Variants in STAP1 observed in about 807,000 individuals in gnomAD.
The protein encoded by STAP1 is signal transducing adaptor family member 1.
In STAP1, 30 loss-of-function variants were observed where a neutral mutation model predicts 37.8. That is an observed-to-expected ratio of 0.79 (90% CI 0.59 to 1.08). The LOEUF (loss-of-function observed/expected upper bound fraction) is 1.08, where lower values mean the gene tolerates loss of function less well. STAP1 is among the 50% of genes least tolerant of loss of function. STAP1 has a pLI of 0.00. For missense variants in STAP1, 357 were observed against 349.4 expected (o/e 1.02, Z -0.17); for synonymous variants, 130 against 116.0 (o/e 1.12, Z -0.78).
intron 8 of STAP1, among the ~76,000 whole-genome samples, chr4:67,605,689 A>G (rs1245444193): frequency 6.6e-6 from 1 of 152,222 alleles, no homozygotes; most frequent in East Asian, 1.9e-4. Flanking sequence ...TTTTAAGAAA[A>G]GCTACACAAA....
At chr4:67,562,068 C>T (rs1310879174) in intron 1 of STAP1, among the ~76,000 whole-genome samples, 2 of 77,264 alleles carry the variant, frequency 2.6e-5, no homozygotes, top group East Asian at 4.6e-4. Flanking sequence ...GAGACTCTGT[C>T]AAAAAAAAAA....
chr4:67,577,272 CT>C lies in STAP1; in HGVS notation c.363+14del. ...TACAGTAACAGAGGTAGGAAGCTCA[CT>C]GCTTTTGATTGATTCTTTTTTTTTT... On this transcript the variant is annotated intron_variant, in intron 4 of 8. Transcript: ENST00000265404. 3 of 1,594,214 alleles carry C rather than the reference CT, an allele frequency of 1.9e-6. No homozygotes were observed. Among genetic ancestry groups the C allele is most frequent in the Non-Finnish European group, 1.7e-6 (2 of 1,172,152 alleles).
chr4:67,597,599 G>C (rs961640059), intron 8 of STAP1, among the ~76,000 whole-genome samples: 1 of 152,240 alleles, frequency 6.6e-6, no homozygotes, highest in Non-Finnish European at 1.5e-5. Context: ...GATGTACCCT[G>C]CAGAGTCACA....
At position 67,571,629 on chromosome 4, in the gene STAP1, G is replaced by A. The variant is rs138634323; in HGVS notation, c.192+474G>A. Among the ~76,000 whole-genome samples the A allele has an allele frequency of 7.2e-5, 11 of 152,220 alleles. No individual in the cohort carries two copies. In the East Asian group the frequency reaches 1.5e-3, roughly 21 times the overall value. On this transcript the variant is annotated intron_variant, in intron 2 of 8. Coordinates refer to ENST00000265404, the MANE Select transcript of STAP1 (RefSeq NM_012108.4). Reference sequence around the variant, plus strand: ...AGGACTTCTAAAGGCTTAAACATGAGAATAACAATAAAGGGATTCTGAGGT... The same window carrying A: ...AGGACTTCTAAAGGCTTAAACATGAAAATAACAATAAAGGGATTCTGAGGT...
At chr4:67,605,107 TG>T (rs1728422727) in intron 8 of STAP1, among the ~76,000 whole-genome samples, 1 of 152,194 alleles carries the variant, frequency 6.6e-6, no homozygotes, top group African/African-American at 2.4e-5. Flanking sequence ...TCCTTTTTCC[TG>T]GTGTTCTAGC....
At chr4:67,593,803 G>C (rs1054913515) in intron 8 of STAP1, among the ~76,000 whole-genome samples, 1 of 152,214 alleles carries the variant, frequency 6.6e-6, no homozygotes, top group African/African-American at 2.4e-5. Context: ...TGACTTGAGA[G>C]AGAGAAGTTG....
intron 1 of STAP1, among the ~76,000 whole-genome samples, chr4:67,565,001 G>C (rs1280604612): frequency 6.6e-6 from 1 of 152,172 alleles, no homozygotes; most frequent in Admixed American, 6.5e-5. Flanking sequence ...CTCCTGCACT[G>C]TTCCTCACCT....
intron 1 of STAP1, among the ~76,000 whole-genome samples, chr4:67,563,956 A>G (rs1271986480): frequency 1.1e-4 from 17 of 150,630 alleles, no homozygotes; most frequent in Admixed American, 1.1e-3. Flanking sequence ...AAAAAAAAAG[A>G]AATTTGTGCT....
rs993881855 is a variant in STAP1, at chr4:67,581,224, G to A, written c.364-81G>A. 3.6e-6 allele frequency: 5 copies of A among 1,371,030 alleles called. No individual in the cohort carries two copies. In the African/African-American group the frequency reaches 4.3e-5, roughly 12 times the overall value. 84.9% of individuals were successfully genotyped at this position (1,371,030 alleles called of 1,614,324 possible). ...CTGTCAGGTAACTGTAGCCCTATAG[G>A]ACCAGAACAGGGTCGTCTTTACTAA... On this transcript the variant is annotated intron_variant, in intron 4 of 8. Coordinates refer to ENST00000265404, the MANE Select transcript of STAP1 (RefSeq NM_012108.4).
intron 1 of STAP1, among the ~76,000 whole-genome samples, chr4:67,563,962 G>C (rs371625617): frequency 6.7e-6 from 1 of 149,054 alleles, no homozygotes; most frequent in Non-Finnish European, 1.5e-5. Flanking sequence ...AAAGAAATTT[G>C]TGCTTCATTC....
At chr4:67,566,554 T>C (rs1373050206) in intron 1 of STAP1, among the ~76,000 whole-genome samples, 3 of 152,180 alleles carry the variant, frequency 2.0e-5, no homozygotes, top group African/African-American at 7.2e-5. Context: ...CCTGGTAGAC[T>C]GAGCTGAGAG....
At chr4:67,580,245 T>C (rs995350689) in intron 4 of STAP1, among the ~76,000 whole-genome samples, 4 of 152,214 alleles carry the variant, frequency 2.6e-5, no homozygotes, top group African/African-American at 7.2e-5. Context: ...AATAAAGATA[T>C]GTGTTTCATT....
chr4:67,568,039 AAG>A (rs1196889588), intron 1 of STAP1, among the ~76,000 whole-genome samples: 1 of 152,248 alleles, frequency 6.6e-6, no homozygotes, highest in Non-Finnish European at 1.5e-5. Flanking sequence ...GAGTTCTACC[AAG>A]AGCATAAGAA....
chr4:67,578,830 A>ATT lies in STAP1; in HGVS notation c.363+1586_363+1587dup, dbSNP rs11314663. Among the ~76,000 whole-genome samples, 352 of 142,518 alleles carry ATT rather than the reference A, an allele frequency of 2.5e-3. 1 individual carries two copies. Among genetic ancestry groups the ATT allele is most frequent in the Middle Eastern group, 0.015 (4 of 266 alleles). 93.5% of individuals were successfully genotyped at this position (142,518 alleles called of 152,430 possible). A position where few individuals can be genotyped will look rare whatever the true frequency, so the allele number is the denominator to read the frequency against. On this transcript the variant is annotated intron_variant, in intron 4 of 8. Transcript: ENST00000265404. ...AGAATATAAAATCAAATTTATGTGA[A>ATT]TTTTTTTTTTTTTTTTGAGACAGAG...
chr4:67,606,884 C>T lies in STAP1; in HGVS notation c.*527C>T, dbSNP rs1443371932. On this transcript the variant is annotated 3_prime_UTR_variant, in exon 9 of 9. Transcript: ENST00000265404. ...ATTTTTTGTTAATGGAAATAAATGTCTTCATTCCCATGTTTTTCCCTGGTG... is the reference window on the plus strand; with the variant it reads ...ATTTTTTGTTAATGGAAATAAATGTTTTCATTCCCATGTTTTTCCCTGGTG... The T allele has an allele frequency of 6.6e-6, 1 of 152,104 alleles. No individual in the cohort carries two copies. Among genetic ancestry groups the T allele is most frequent in the Admixed American group, 6.5e-5 (1 of 15,268 alleles). 9.4% of individuals were successfully genotyped at this position (152,104 alleles called of 1,614,324 possible). A position where few individuals can be genotyped will look rare whatever the true frequency, so the allele number is the denominator to read the frequency against.
chr4:67,593,213 A>G, intron 7 of STAP1, 47 bp from the exon 8 acceptor site: 1 of 1,371,864 alleles, frequency 7.3e-7, no homozygotes, highest in Non-Finnish European at 1.0e-6. Context: ...CTTACTCTAT[A>G]CTTATGCAGG....
At chr4:67,588,039 T>A (rs1202228811) in intron 6 of STAP1, among the ~76,000 whole-genome samples, 1 of 85,634 alleles carries the variant, frequency 1.2e-5, no homozygotes, top group Admixed American at 1.5e-4. Context: ...CACATTTTCT[T>A]AAAAAAAAAA....
intron 6 of STAP1, among the ~76,000 whole-genome samples, chr4:67,589,328 A>G (rs555260699): frequency 6.6e-6 from 1 of 152,306 alleles, no homozygotes; most frequent in Non-Finnish European, 1.5e-5. Flanking sequence ...TTTAGGAAGG[A>G]AAAGGGTTGG....
intron 1 of STAP1, among the ~76,000 whole-genome samples, chr4:67,567,370 G>GC (rs966779200): frequency 2.0e-5 from 3 of 151,878 alleles, no homozygotes; most frequent in South Asian, 2.1e-4. Flanking sequence ...TTCTCAACTG[G>GC]GGGGAGGATA....
Sources: gnomAD v4.1 joint callset for allele counts (sites outside exome capture counted in the v4.1 genomes callset) on GRCh38, gnomAD v4.1.1 for gene constraint, MANE v1.5 for transcripts, NCBI Gene and HGNC (gene_info 2026-07-23, HGNC 2026-07-21) for gene names.